The following LRRC8D variants were observed in gnomAD, a reference collection of about 807,000 sequenced individuals.
LRRC8D encodes the protein leucine rich repeat containing 8 VRAC subunit D, also known as volume-regulated anion channel subunit LRRC8D.
LRRC8D carries 20 observed loss-of-function variants against 55.8 expected under a neutral mutation model. The ratio of observed to expected loss-of-function variants is 0.36; its 90% CI spans 0.25 to 0.52. LRRC8D has a LOEUF of 0.52. Ranked by LOEUF, LRRC8D falls within the 20% of genes least tolerant of loss-of-function variation. The pLI, the probability that LRRC8D is intolerant of heterozygous loss-of-function variation, is 0.93. For missense variants in LRRC8D, 651 were observed against 1,030.8 expected (o/e 0.63, Z 5.05); for synonymous variants, 352 against 377.0 (o/e 0.93, Z 0.77).
At chr1:89,851,914 A>G (rs893588258) in intron 2 of LRRC8D, among the ~76,000 whole-genome samples, 2 of 152,188 alleles carry the variant, frequency 1.3e-5, no homozygotes, top group Non-Finnish European at 2.9e-5. Context: ...AGGTCTCAAA[A>G]TAGATATTGT....
intron 2 of LRRC8D, among the ~76,000 whole-genome samples, chr1:89,901,632 A>G (rs1192840762): frequency 6.6e-6 from 1 of 152,192 alleles, no homozygotes; most frequent in Non-Finnish European, 1.5e-5. Context: ...AAGCAGGGTT[A>G]GATTACCAGA....
intron 2 of LRRC8D, among the ~76,000 whole-genome samples, chr1:89,916,860 A>G (rs1458745414): frequency 2.0e-5 from 3 of 152,184 alleles, no homozygotes; most frequent in Admixed American, 1.3e-4. Flanking sequence ...GGAACATTCA[A>G]TGAGCGGGCC....
chr1:89,840,919 A>G (rs1661116611), intron 1 of LRRC8D, among the ~76,000 whole-genome samples: 1 of 152,222 alleles, frequency 6.6e-6, no homozygotes, highest in South Asian at 2.1e-4. Context: ...ACCAAAAGAT[A>G]TTTCAAAACA....
chr1:89,872,227 AT>A (rs1662026469), intron 2 of LRRC8D, among the ~76,000 whole-genome samples: 1 of 152,248 alleles, frequency 6.6e-6, no homozygotes, highest in Non-Finnish European at 1.5e-5. Flanking sequence ...GTAAGTGCTC[AT>A]TGAGTTGCCC....
At chr1:89,909,802 C>G (rs1215497715) in intron 2 of LRRC8D, among the ~76,000 whole-genome samples, 1 of 149,588 alleles carries the variant, frequency 6.7e-6, no homozygotes, top group Non-Finnish European at 1.5e-5. Context: ...GGAGGCGGAG[C>G]TTGCAGTGAG....
intron 1 of LRRC8D, chr1:89,822,271 A>T (rs1660654412): frequency 6.5e-6 from 1 of 152,774 alleles, no homozygotes; most frequent in Admixed American, 6.6e-5. Context: ...GTATGGAGGT[A>T]GGGTTGTGGG....
intron 2 of LRRC8D, among the ~76,000 whole-genome samples, chr1:89,883,882 G>C (rs1410238561): frequency 6.6e-6 from 1 of 152,136 alleles, no homozygotes. Flanking sequence ...GAGAAACATA[G>C]GGACTTTAGA....
At chr1:89,831,698 C>T (rs951404284) in intron 1 of LRRC8D, among the ~76,000 whole-genome samples, 6 of 151,752 alleles carry the variant, frequency 4.0e-5, no homozygotes, top group Non-Finnish European at 5.9e-5. Flanking sequence ...TTAATGTGTA[C>T]GGTGGCTTCT....
At position 89,827,495 on chromosome 1, in the gene LRRC8D, A is replaced by G. The variant is rs77907152; in HGVS notation, c.-148+6204A>G. Among the ~76,000 whole-genome samples, 764 of 152,276 alleles carry G rather than the reference A, an allele frequency of 5.0e-3. 4 individuals are homozygous for G. The highest frequency in any genetic ancestry group is 0.017 in the African/African-American group (723 of 41,544). On this transcript the variant is annotated intron_variant, in intron 1 of 2. Coordinates refer to ENST00000337338, the MANE Select transcript of LRRC8D (RefSeq NM_001134479.2). Reference sequence around the variant, plus strand: ...ACCATTGTAATGATACCTACCTAGAATGTTTGGACATTGCTGCTAGAATGT... The same window carrying G: ...ACCATTGTAATGATACCTACCTAGAGTGTTTGGACATTGCTGCTAGAATGT...
intron 2 of LRRC8D, among the ~76,000 whole-genome samples, chr1:89,848,666 C>T (rs1661337696): frequency 6.6e-6 from 1 of 152,050 alleles, no homozygotes; most frequent in Admixed American, 6.6e-5. Flanking sequence ...TGGTGTTATG[C>T]AGAGTGGGTA....
intron 1 of LRRC8D, among the ~76,000 whole-genome samples, chr1:89,824,770 C>T (rs1031122386): frequency 7.2e-5 from 11 of 152,172 alleles, no homozygotes; most frequent in Non-Finnish European, 1.3e-4. Flanking sequence ...AGTTTATCGG[C>T]ATCTCACATG....
Position 89,934,936 on chromosome 1 carries a change from C to G in LRRC8D, c.1868C>G (p.Thr623Ser). The change falls in exon 3 of 3, where the codon ACT becomes AGT. Residue 623 changes from threonine (T) to serine (S), a missense_variant. Around this residue, in one of 5 missense-constraint regions of LRRC8D, gnomAD observed 338 missense variants for 479.4 expected, o/e 0.71. Transcript: ENST00000337338. This position sits in a 1 kb window ranked among gnomAD's most constrained non-coding sequence, Gnocchi z 5.9. ...AAGTTAGTCATTCATAATGACGGCA[C>G]TAAACTCTTGGTACTGAACAGCCTT... ...LTKLVIHNDGTKLLVLNSLKK... is the reference protein window; with the variant it reads ...LTKLVIHNDGSKLLVLNSLKK... The G allele has an allele frequency of 1.2e-6, 2 of 1,614,108 alleles. No individual in the cohort carries two copies. The highest frequency in any genetic ancestry group is 1.7e-6 in the Non-Finnish European group (2 of 1,180,026).
chr1:89,878,619 C>T (rs892963940), intron 2 of LRRC8D, among the ~76,000 whole-genome samples: 1 of 152,206 alleles, frequency 6.6e-6, no homozygotes, highest in African/African-American at 2.4e-5. Context: ...TTGAAACTAT[C>T]TACAGTCTGA....
chr1:89,890,145 G>A (rs943757448), intron 2 of LRRC8D, among the ~76,000 whole-genome samples: 2 of 152,178 alleles, frequency 1.3e-5, no homozygotes, highest in South Asian at 2.1e-4. Flanking sequence ...CCAAGATCAC[G>A]CCACTGCTCT....
chr1:89,904,160 A>G (rs1662930630), intron 2 of LRRC8D, among the ~76,000 whole-genome samples: 1 of 152,200 alleles, frequency 6.6e-6, no homozygotes, highest in Admixed American at 6.5e-5. Flanking sequence ...AGCTATCTGG[A>G]AGGATCGTCC....
At chr1:89,929,242 TC>T (rs550365797) in intron 2 of LRRC8D, among the ~76,000 whole-genome samples, 11 of 152,056 alleles carry the variant, frequency 7.2e-5, no homozygotes, top group Non-Finnish European at 1.3e-4. Flanking sequence ...TACTAGGAGA[TC>T]AGGGAAGGCT....
chr1:89,848,606 C>T (rs2100759554), intron 2 of LRRC8D, among the ~76,000 whole-genome samples: 1 of 152,178 alleles, frequency 6.6e-6, no homozygotes, highest in South Asian at 2.1e-4. Flanking sequence ...CTATTGAACA[C>T]CATATTTTTC....
At chr1:89,921,839 C>T (rs926684185) in intron 2 of LRRC8D, among the ~76,000 whole-genome samples, 5 of 151,712 alleles carry the variant, frequency 3.3e-5, no homozygotes, top group South Asian at 2.1e-4. Flanking sequence ...CCACTGCACC[C>T]GGCCAACTTT....
intron 2 of LRRC8D, among the ~76,000 whole-genome samples, chr1:89,860,785 A>AAAATATATATATAT (rs1553123917): frequency 3.5e-5 from 1 of 28,200 alleles, no homozygotes; most frequent in East Asian, 1.0e-3. Flanking sequence ...AAAAAAAAAA[A>AAAATATATATATAT]ATATATATAT....
Sources: gnomAD v4.1 joint callset for allele counts (sites outside exome capture counted in the v4.1 genomes callset) on GRCh38, gnomAD v4.1.1 for gene constraint, gnomAD v4.1.1 regional missense constraint, Gnocchi (gnomAD v3.1) non-coding constraint, MANE v1.5 for transcripts, NCBI Gene and HGNC (gene_info 2026-07-23, HGNC 2026-07-21) for gene names.